Variants in MAP3K5 observed in about 807,000 individuals in gnomAD.
MAP3K5 encodes the protein mitogen-activated protein kinase kinase kinase 5, also known as ASK-1.
MAP3K5 carries 56 observed loss-of-function variants against 158.7 expected under a neutral mutation model. The observed-to-expected ratio is 0.35, with a 90% CI of 0.28 to 0.44. The LOEUF is 0.44. Ranked by LOEUF, MAP3K5 falls within the 20% of genes least tolerant of loss-of-function variation. The pLI is 1.00. For synonymous variants in MAP3K5, 579 were observed against 601.7 expected, an observed-to-expected ratio of 0.96 and a Z score of 0.55; for missense variants, 1,294 against 1,674.8, an observed-to-expected ratio of 0.77 and a Z score of 3.97.
chr6:136,588,210 C>G (rs766218564), intron 23 of MAP3K5, among the ~76,000 whole-genome samples: 1 of 152,142 alleles, frequency 6.6e-6, no homozygotes, highest in Non-Finnish European at 1.5e-5. Flanking sequence ...GTTTTCCTAG[C>G]ACTTGTCACC....
At chr6:136,698,033 C>T (rs1780679741) in intron 4 of MAP3K5, among the ~76,000 whole-genome samples, 1 of 152,196 alleles carries the variant, frequency 6.6e-6, no homozygotes, top group South Asian at 2.1e-4. Flanking sequence ...GCATGAGCCA[C>T]GGCACTGGCC....
chr6:136,562,483 TA>T lies in MAP3K5; in HGVS notation c.3874+19del. On this transcript the variant is annotated intron_variant, in intron 27 of 29. Coordinates refer to ENST00000359015, the MANE Select transcript of MAP3K5 (RefSeq NM_005923.4). ...GCAGCCTGGCTGAACAGTATTACTATAAAACTTTCTGCTATTCACCTATGGG... is the reference window on the plus strand; with the variant it reads ...GCAGCCTGGCTGAACAGTATTACTATAAACTTTCTGCTATTCACCTATGGG... The T allele has an allele frequency of 3.7e-6, 5 of 1,359,686 alleles. No homozygotes were observed. Among genetic ancestry groups the T allele is most frequent in the Non-Finnish European group, 5.1e-6 (5 of 981,616 alleles). 84.2% of individuals were successfully genotyped at this position (1,359,686 alleles called of 1,614,324 possible). A position where few individuals can be genotyped will look rare whatever the true frequency, so the allele number is the denominator to read the frequency against.
intron 12 of MAP3K5, 97 bp from the exon 13 acceptor site, chr6:136,639,735 T>G: frequency 1.6e-6 from 1 of 624,716 alleles, no homozygotes; most frequent in Non-Finnish European, 2.8e-6. Context: ...ATCCCATTTA[T>G]ATCAATGTTG....
chr6:136,687,614 T>C (rs1583418776), intron 7 of MAP3K5, among the ~76,000 whole-genome samples: 1 of 152,120 alleles, frequency 6.6e-6, no homozygotes, highest in African/African-American at 2.4e-5. Context: ...GGGTGAAAGA[T>C]ATGAACAGAC....
chr6:136,769,654 A>G (rs1464045237), intron 1 of MAP3K5, among the ~76,000 whole-genome samples: 1 of 149,806 alleles, frequency 6.7e-6, no homozygotes, highest in East Asian at 2.0e-4. Flanking sequence ...GGCAGGCTCC[A>G]TATCACATTC....
At position 136,726,288 on chromosome 6, in the gene MAP3K5, T is replaced by C. The variant is rs143960760; in HGVS notation, c.449-5699A>G. ...AATCACTTTAGAAAGAACTGACATC[T>C]TAACAATATTGAGTCTTTCAATCCA... On this transcript the variant is annotated intron_variant, in intron 1 of 29. Transcript: ENST00000359015. Among the ~76,000 whole-genome samples the C allele has an allele frequency of 3.4e-3, 515 of 152,348 alleles. 5 individuals are homozygous for C. The highest frequency in any genetic ancestry group is 0.012 in the African/African-American group (490 of 41,582).
intron 14 of MAP3K5, among the ~76,000 whole-genome samples, chr6:136,629,766 C>CTTTTATTTATTTATTT (rs1252412720): frequency 3.4e-5 from 5 of 148,138 alleles, no homozygotes; most frequent in African/African-American, 1.3e-4. Context: ...ATCTCACCTT[C>CTTTTATTTATTTATTT]ATTTATTTAT....
At chr6:136,655,581 T>C (rs150722704) in intron 10 of MAP3K5, among the ~76,000 whole-genome samples, 1 of 152,346 alleles carries the variant, frequency 6.6e-6, no homozygotes, top group African/African-American at 2.4e-5. Flanking sequence ...ATGGCATCAC[T>C]TTGATGTGGA....
At chr6:136,614,014 T>G (rs1776454801) in intron 16 of MAP3K5, 145 bp downstream of exon 16, 1 of 742,050 alleles carries the variant, frequency 1.3e-6, no homozygotes, top group Admixed American at 2.7e-5. Flanking sequence ...TGACATCTCC[T>G]AACAAACTGG....
At chr6:136,566,594 A>C (rs1286048717) in intron 26 of MAP3K5, among the ~76,000 whole-genome samples, 1 of 152,230 alleles carries the variant, frequency 6.6e-6, no homozygotes, top group Non-Finnish European at 1.5e-5. Context: ...CTTTCCCACT[A>C]AATAGTAGAG....
chr6:136,621,115 A>C (rs1195918721), intron 15 of MAP3K5, among the ~76,000 whole-genome samples: 1 of 150,010 alleles, frequency 6.7e-6, no homozygotes, highest in Admixed American at 6.6e-5. Context: ...ATATTGTCCC[A>C]GTTTTTTTTT....
intron 26 of MAP3K5, among the ~76,000 whole-genome samples, chr6:136,564,231 C>T (rs955761463): frequency 6.6e-6 from 1 of 152,154 alleles, no homozygotes; most frequent in Non-Finnish European, 1.5e-5. Context: ...TTCCCAGACC[C>T]CCAGGCTCGA....
At chr6:136,601,270 T>G (rs1477788344) in intron 20 of MAP3K5, among the ~76,000 whole-genome samples, 1 of 152,232 alleles carries the variant, frequency 6.6e-6, no homozygotes, top group Non-Finnish European at 1.5e-5. Context: ...TGTACTTATA[T>G]TTTTACACTA....
Position 136,791,818 on chromosome 6 carries a change from G to C in MAP3K5, c.340C>G (p.Gln114Glu). The change falls in exon 1 of 30, where the codon CAG becomes GAG. Residue 114 changes from glutamine to glutamate, a missense_variant. Around this residue, in one of 5 missense-constraint regions of MAP3K5, gnomAD observed 690 missense variants for 870.5 expected, o/e 0.79. Coordinates refer to ENST00000359015, the MANE Select transcript of MAP3K5 (RefSeq NM_005923.4). ...QLVVAESEAL[Q>E]SLREACETVG... Reference sequence around the variant, plus strand: ...GTCTCGCACGCCTCCCGCAAGCTCTGCAGGGCCTCGCTCTCGGCCACCACC... The same window carrying C: ...GTCTCGCACGCCTCCCGCAAGCTCTCCAGGGCCTCGCTCTCGGCCACCACC... 1 of 1,613,808 alleles carries C rather than the reference G, an allele frequency of 6.2e-7. No individual in the cohort carries two copies. Among genetic ancestry groups the C allele is most frequent in the Non-Finnish European group, 8.5e-7 (1 of 1,180,020 alleles).
intron 2 of MAP3K5, among the ~76,000 whole-genome samples, chr6:136,707,644 T>C (rs1781137969): frequency 6.6e-6 from 1 of 152,134 alleles, no homozygotes; most frequent in African/African-American, 2.4e-5. Context: ...ATTAGAAAGC[T>C]ATTTGGAGCC....
At chr6:136,602,898 A>G (rs1775938564) in intron 19 of MAP3K5, among the ~76,000 whole-genome samples, 1 of 152,182 alleles carries the variant, frequency 6.6e-6, no homozygotes, top group Non-Finnish European at 1.5e-5. Flanking sequence ...GAGATATTTA[A>G]AAGCACTTTA....
chr6:136,603,039 T>C (rs968559300), intron 19 of MAP3K5, among the ~76,000 whole-genome samples: 2 of 152,206 alleles, frequency 1.3e-5, no homozygotes, highest in African/African-American at 4.8e-5. Context: ...ATACAGCTTA[T>C]GTAAATTCAT....
At chr6:136,640,460 G>A (rs952505301) in intron 12 of MAP3K5, among the ~76,000 whole-genome samples, 6 of 152,104 alleles carry the variant, frequency 3.9e-5, no homozygotes, top group African/African-American at 7.2e-5. Flanking sequence ...AATGCATGTC[G>A]TTTTTTACTT....
rs191169180 is a variant in MAP3K5, at chr6:136,591,159, C to A, written c.3225+1014G>T. ...CACCATGATTGTGAGGCCTCCCCAGCCATGTGGAACTGTGAATCAGTTAAA... is the reference window on the plus strand; with the variant it reads ...CACCATGATTGTGAGGCCTCCCCAGACATGTGGAACTGTGAATCAGTTAAA... On this transcript the variant is annotated intron_variant, in intron 23 of 29. Coordinates refer to ENST00000359015, the MANE Select transcript of MAP3K5 (RefSeq NM_005923.4). Among the ~76,000 whole-genome samples the A allele has an allele frequency of 2.0e-5, 3 of 152,350 alleles. No homozygotes were observed. The East Asian group carries it at 5.8e-4, about 29-fold the overall frequency.
Sources: allele counts gnomAD v4.1 joint callset (sites outside exome capture counted in the v4.1 genomes callset), GRCh38; gene constraint gnomAD v4.1.1; regional missense constraint gnomAD v4.1.1; transcripts MANE v1.5; gene names NCBI Gene and HGNC (gene_info 2026-07-23, HGNC 2026-07-21).